CNTN5: variants seen among roughly 807,000 people sequenced by gnomAD.
The protein encoded by CNTN5 is contactin 5, also known as contactin-5.
A neutral mutation model predicts 129.1 loss-of-function variants in CNTN5; 77 were observed. The observed-to-expected ratio is 0.60, with a 90% CI of 0.50 to 0.72. CNTN5 has a LOEUF of 0.72. Ranked by LOEUF, CNTN5 falls within the 30% of genes least tolerant of loss-of-function variation. The pLI is 0.00. For missense variants in CNTN5, 1,478 were observed against 1,328.8 expected, an observed-to-expected ratio of 1.11 and a Z score of -1.75; for synonymous variants, 509 against 465.6, an observed-to-expected ratio of 1.09 and a Z score of -1.20.
chr11:100,221,542 T>C (rs1949266465), intron 15 of CNTN5, among the ~76,000 whole-genome samples: 1 of 152,200 alleles, frequency 6.6e-6, no homozygotes, highest in East Asian at 1.9e-4. Flanking sequence ...AATGTCACAG[T>C]AATCTAGCAG....
chr11:99,322,511 G>A (rs540048154), intron 1 of CNTN5, among the ~76,000 whole-genome samples: 104 of 152,132 alleles, frequency 6.8e-4, no homozygotes, highest in Non-Finnish European at 1.2e-3. Flanking sequence ...GAAGCATAGG[G>A]AACAGTGCTG....
intron 6 of CNTN5, among the ~76,000 whole-genome samples, chr11:99,862,144 A>C (rs868793195): frequency 1.3e-5 from 2 of 152,200 alleles, no homozygotes; most frequent in Non-Finnish European, 2.9e-5. Flanking sequence ...CTGTCAACCT[A>C]ACCATGTTTA....
At chr11:99,764,129 A>G (rs1256938662) in intron 3 of CNTN5, among the ~76,000 whole-genome samples, 1 of 152,108 alleles carries the variant, frequency 6.6e-6, no homozygotes, top group Non-Finnish European at 1.5e-5. Context: ...ATGATTTTAA[A>G]AATTATAGAC....
At chr11:99,114,433 C>T (rs1857944840) in intron 1 of CNTN5, among the ~76,000 whole-genome samples, 1 of 151,286 alleles carries the variant, frequency 6.6e-6, no homozygotes, top group African/African-American at 2.4e-5. Context: ...TTCTCCTCCT[C>T]CTCCCCCATC....
chr11:99,468,817 C>T (rs1945052488), intron 2 of CNTN5, among the ~76,000 whole-genome samples: 1 of 151,636 alleles, frequency 6.6e-6, no homozygotes, highest in African/African-American at 2.4e-5. Flanking sequence ...TCACTGCAAC[C>T]TCCATCTCCC....
intron 3 of CNTN5, among the ~76,000 whole-genome samples, chr11:99,742,712 C>T (rs1364430779): frequency 1.3e-5 from 2 of 152,106 alleles, no homozygotes; most frequent in Non-Finnish European, 2.9e-5. Context: ...AAGAAATTTA[C>T]GCTGGATCCT....
chr11:99,649,469 A>G (rs1229124918), intron 3 of CNTN5, among the ~76,000 whole-genome samples: 2 of 151,788 alleles, frequency 1.3e-5, no homozygotes, highest in Admixed American at 1.3e-4. Context: ...TTTCCCTGGA[A>G]TAAATCTCAG....
chr11:99,878,956 G>A (rs1385062130), intron 6 of CNTN5, among the ~76,000 whole-genome samples: 2 of 152,070 alleles, frequency 1.3e-5, no homozygotes, highest in Non-Finnish European at 1.5e-5. Flanking sequence ...CTCTTGAGAC[G>A]GAGTCTGGCT....
chr11:99,234,683 T>C (rs1433318739), intron 1 of CNTN5, among the ~76,000 whole-genome samples: 3 of 152,112 alleles, frequency 2.0e-5, no homozygotes, highest in Non-Finnish European at 4.4e-5. Flanking sequence ...CATTATTTAT[T>C]ATGTATTTCT....
chr11:100,140,756 G>T (rs1028692055), intron 13 of CNTN5, among the ~76,000 whole-genome samples: 1 of 152,064 alleles, frequency 6.6e-6, no homozygotes, highest in Non-Finnish European at 1.5e-5. Flanking sequence ...AATGAAAAAC[G>T]GCAAGCTAGG....
chr11:100,201,111 G>A (rs1948767596), intron 15 of CNTN5, among the ~76,000 whole-genome samples: 1 of 151,942 alleles, frequency 6.6e-6, no homozygotes, highest in African/African-American at 2.4e-5. Context: ...AACTTTGACA[G>A]TAAAGTCAAT....
intron 13 of CNTN5, among the ~76,000 whole-genome samples, chr11:100,186,755 C>T (rs932472004): frequency 6.6e-6 from 1 of 152,036 alleles, no homozygotes; most frequent in Non-Finnish European, 1.5e-5. Context: ...AGAATTAATC[C>T]CCATATATGA....
intron 1 of CNTN5, among the ~76,000 whole-genome samples, chr11:99,117,027 C>G (rs1858075597): frequency 6.6e-6 from 1 of 151,582 alleles, no homozygotes; most frequent in African/African-American, 2.4e-5. Flanking sequence ...GGAAGAGGAC[C>G]CAACAAAAGA....
chr11:100,302,838 G>A (rs538350323), intron 20 of CNTN5, among the ~76,000 whole-genome samples: 1 of 151,660 alleles, frequency 6.6e-6, no homozygotes, highest in Non-Finnish European at 1.5e-5. Flanking sequence ...AAGCGTATCA[G>A]AATGCAAATA....
At chr11:99,107,349 G>GT (rs754856487) in intron 1 of CNTN5, among the ~76,000 whole-genome samples, 9 of 151,930 alleles carry the variant, frequency 5.9e-5, no homozygotes, top group Non-Finnish European at 1.0e-4. Flanking sequence ...TCATTTGTTG[G>GT]TTTTTTTAAA....
At chr11:99,823,410 T>C (rs995812501) in intron 4 of CNTN5, among the ~76,000 whole-genome samples, 1 of 152,126 alleles carries the variant, frequency 6.6e-6, no homozygotes, top group African/African-American at 2.4e-5. Context: ...ATTTGTTTAT[T>C]CAGGTCTTGA....
intron 1 of CNTN5, among the ~76,000 whole-genome samples, chr11:99,305,207 C>T (rs139792793): frequency 6.6e-6 from 1 of 152,236 alleles, no homozygotes; most frequent in African/African-American, 2.4e-5. Context: ...TTAATAAGGG[C>T]TTTGTCTCTC....
chr11:99,366,584 A>G (rs1939457525), intron 2 of CNTN5, among the ~76,000 whole-genome samples: 1 of 152,184 alleles, frequency 6.6e-6, no homozygotes, highest in African/African-American at 2.4e-5. Flanking sequence ...ATTAAAAATC[A>G]CCCATCAGTG....
chr11:99,635,610 C>T (rs1281591696), intron 3 of CNTN5, among the ~76,000 whole-genome samples: 1 of 151,948 alleles, frequency 6.6e-6, no homozygotes, highest in Admixed American at 6.6e-5. Flanking sequence ...ATTTGAATCC[C>T]AGGGATGTGG....
Sources: allele counts gnomAD v4.1 joint callset (sites outside exome capture counted in the v4.1 genomes callset), GRCh38; gene constraint gnomAD v4.1.1; transcripts MANE v1.5; gene names NCBI Gene and HGNC (gene_info 2026-07-23, HGNC 2026-07-21).